Variants in MGAT4C observed in about 807,000 individuals in gnomAD.
The protein encoded by MGAT4C is alpha-1,3-mannosyl-glycoprotein 4-beta-N-acetylglucosaminyltransferase C.
A neutral mutation model predicts 40.1 loss-of-function variants in MGAT4C; 19 were observed. The ratio of observed to expected loss-of-function variants is 0.47; its 90% CI spans 0.33 to 0.70. The LOEUF is 0.70. Among genes scored for constraint, MGAT4C ranks in the 30% least tolerant of loss-of-function variants. MGAT4C has a pLI of 0.02. For missense variants in MGAT4C, 491 were observed against 563.2 expected, an observed-to-expected ratio of 0.87 and a Z score of 1.30; for synonymous variants, 181 against 187.1, an observed-to-expected ratio of 0.97 and a Z score of 0.27.
intron 2 of MGAT4C, among the ~76,000 whole-genome samples, chr12:86,649,796 G>A (rs1416294057): frequency 6.6e-6 from 1 of 151,812 alleles, no homozygotes; most frequent in Non-Finnish European, 1.5e-5. Context: ...TAATATATCT[G>A]TAGGGTATTG....
At chr12:86,257,207 G>C (rs1312728347), upstream of MGAT4C, among the ~76,000 whole-genome samples, 2 of 152,110 alleles carry the variant, frequency 1.3e-5, no homozygotes, top group African/African-American at 4.8e-5. Context: ...CTTCTATCTT[G>C]ACAAAAGCCC....
chr12:86,675,253 C>T (rs1044464188), intron 2 of MGAT4C, among the ~76,000 whole-genome samples: 1 of 152,072 alleles, frequency 6.6e-6, no homozygotes, highest in African/African-American at 2.4e-5. Context: ...TTATTTTAAT[C>T]ATATGTTGAT....
intron 2 of MGAT4C, among the ~76,000 whole-genome samples, chr12:86,721,469 C>G (rs780559710): frequency 4.6e-5 from 7 of 151,968 alleles, no homozygotes; most frequent in Non-Finnish European, 1.0e-4. Flanking sequence ...GCTCAGAAGG[C>G]TTGGATTCAC....
At chr12:86,454,561 A>G (rs937202012) in intron 2 of MGAT4C, among the ~76,000 whole-genome samples, 1 of 152,096 alleles carries the variant, frequency 6.6e-6, no homozygotes, top group African/African-American at 2.4e-5. Context: ...ATGAAGATTG[A>G]TAGGTAGATA....
At chr12:86,072,177 A>G (rs1868650487) in intron 1 of MGAT4C, among the ~76,000 whole-genome samples, 1 of 152,050 alleles carries the variant, frequency 6.6e-6, no homozygotes, top group Non-Finnish European at 1.5e-5. Flanking sequence ...GGAGGGCAAA[A>G]GGGTTAAGTG....
chr12:86,751,142 T>C (rs1453442905), intron 1 of MGAT4C, among the ~76,000 whole-genome samples: 1 of 151,910 alleles, frequency 6.6e-6, no homozygotes, highest in Non-Finnish European at 1.5e-5. Context: ...GTTTGAAAAA[T>C]AGTTCCAACA....
At chr12:86,515,429 C>G (rs1958665830) in intron 2 of MGAT4C, among the ~76,000 whole-genome samples, 1 of 151,990 alleles carries the variant, frequency 6.6e-6, no homozygotes, top group Admixed American at 6.6e-5. Flanking sequence ...ACAAATTCAG[C>G]AAGGTTGCAC....
chr12:86,488,658 C>A (rs1958071659), intron 2 of MGAT4C, among the ~76,000 whole-genome samples: 1 of 152,076 alleles, frequency 6.6e-6, no homozygotes, highest in South Asian at 2.1e-4. Context: ...ATTCTAAAAT[C>A]TATGAGGAAC....
rs558548977 is a variant in MGAT4C at position 86,478,436 on chromosome 12, G to A, written c.-228-43171C>T. ...AGGTAACATAGTGAACTGCCAGAGC[G>A]AGGAGAACCAAGAAGTGGAAAAGAG... On this transcript the variant is annotated intron_variant, in intron 2 of 7. Transcript: ENST00000548651. Among the ~76,000 whole-genome samples the A allele has an allele frequency of 1.2e-4, 19 of 152,242 alleles. No homozygotes were observed. The South Asian group carries it at 3.3e-3, about 27-fold the overall frequency.
intron 4 of MGAT4C, among the ~76,000 whole-genome samples, chr12:86,325,542 T>A (rs1475334287): frequency 6.6e-6 from 1 of 152,150 alleles, no homozygotes; most frequent in Non-Finnish European, 1.5e-5. Flanking sequence ...TAGCTTATTA[T>A]CTGTAAGGTG....
intron 2 of MGAT4C, among the ~76,000 whole-genome samples, chr12:86,032,326 GAGAAATCGCAACA>G (rs1592732161): frequency 6.6e-6 from 1 of 150,502 alleles, no homozygotes; most frequent in Non-Finnish European, 1.5e-5. Context: ...TGAGATATTT[GAGAAATCGCAACA>G]CTGCTTTCCA....
At chr12:86,414,228 C>T (rs149323851) in intron 3 of MGAT4C, among the ~76,000 whole-genome samples, 1 of 151,512 alleles carries the variant, frequency 6.6e-6, no homozygotes, top group Non-Finnish European at 1.5e-5. Context: ...GGAAATTAAA[C>T]CTGAAGAAAA....
intron 3 of MGAT4C, among the ~76,000 whole-genome samples, chr12:86,373,934 T>C (rs554456137): frequency 1.0e-3 from 152 of 152,190 alleles, no homozygotes; most frequent in Middle Eastern, 3.4e-3. Context: ...TGTATACAGC[T>C]GTAACTTTCA....
At chr12:86,184,246 G>A (rs538975121) in intron 1 of MGAT4C, among the ~76,000 whole-genome samples, 154 of 151,542 alleles carry the variant, frequency 1.0e-3, no homozygotes, top group African/African-American at 3.3e-3. Flanking sequence ...GCATGGTGGC[G>A]GCTGCCTATA....
chr12:86,689,376 T>C (rs967676724), intron 2 of MGAT4C, among the ~76,000 whole-genome samples: 1 of 152,220 alleles, frequency 6.6e-6, no homozygotes, highest in African/African-American at 2.4e-5. Context: ...ATCCAGTTTT[T>C]TTCCCTGGCT....
chr12:86,743,922 G>C (rs2136133555), intron 1 of MGAT4C, among the ~76,000 whole-genome samples: 1 of 151,678 alleles, frequency 6.6e-6, no homozygotes, highest in Non-Finnish European at 1.5e-5. Context: ...AGGAAAAAGT[G>C]GCACACTCAA....
chr12:85,966,567 A>G lies in MGAT4C; in HGVS notation c.*12722T>C, dbSNP rs1883376412. Reference sequence around the variant, plus strand: ...TTACTGGGTATATACCCAAAGGATTATAAATCATGCTTCTATAAAGACACA... The same window carrying G: ...TTACTGGGTATATACCCAAAGGATTGTAAATCATGCTTCTATAAAGACACA... On this transcript the variant is annotated 3_prime_UTR_variant, in exon 5 of 5. Coordinates refer to ENST00000611864, the MANE Select transcript of MGAT4C (RefSeq NM_001351288.2). The G allele has an allele frequency of 6.6e-6, 1 of 152,232 alleles. No homozygotes were observed. The highest frequency in any genetic ancestry group is 1.5e-5 in the Non-Finnish European group (1 of 68,046). 9.4% of individuals were successfully genotyped at this position (152,232 alleles called of 1,614,324 possible).
rs181704853 is a variant in MGAT4C at position 86,695,982 on chromosome 12, A to C, written c.-229+31227T>G. Among the ~76,000 whole-genome samples, 21 of 152,024 alleles carry C rather than the reference A, an allele frequency of 1.4e-4. 1 individual carries two copies. Among genetic ancestry groups the C allele is most frequent in the Admixed American group, 1.4e-3 (21 of 15,254 alleles). Reference sequence around the variant, plus strand: ...ATCTCAGCACTTTGGGAGGCTGAAGAGGGCAGATCATGAGGTCAGGAGATC... The same window carrying C: ...ATCTCAGCACTTTGGGAGGCTGAAGCGGGCAGATCATGAGGTCAGGAGATC... On this transcript the variant is annotated intron_variant, in intron 2 of 7. Coordinates refer to the MGAT4C transcript ENST00000548651.
chr12:86,702,696 A>T (rs1446555697), intron 2 of MGAT4C, among the ~76,000 whole-genome samples: 1 of 152,144 alleles, frequency 6.6e-6, no homozygotes, highest in Admixed American at 6.5e-5. Flanking sequence ...CTTTCAAAAT[A>T]TTACTGCTCA....
Sources: gnomAD v4.1 joint callset for allele counts (sites outside exome capture counted in the v4.1 genomes callset) on GRCh38, gnomAD v4.1.1 for gene constraint, MANE v1.5 for transcripts, NCBI Gene and HGNC (gene_info 2026-07-23, HGNC 2026-07-21) for gene names.